The following ADCY2 variants were observed in gnomAD, a reference collection of about 807,000 sequenced individuals.
ADCY2 encodes adenylate cyclase 2.
In ADCY2, 31 loss-of-function variants were observed where a neutral mutation model predicts 125.2. The observed-to-expected ratio is 0.25, with a 90% confidence interval of 0.19 to 0.33. The LOEUF (loss-of-function observed/expected upper bound fraction) is 0.33. Ranked by LOEUF, ADCY2 falls within the 10% of genes least tolerant of loss-of-function variation. The pLI, the probability that ADCY2 is intolerant of heterozygous loss-of-function variation, is 1.00. For missense variants in ADCY2, 904 were observed against 1,418.2 expected, an observed-to-expected ratio of 0.64 and a Z score of 5.82; for synonymous variants, 512 against 548.4, an observed-to-expected ratio of 0.93 and a Z score of 0.93.
chr5:7,693,423 T>TTG (rs1345195502), intron 5 of ADCY2, among the ~76,000 whole-genome samples: 1 of 137,740 alleles, frequency 7.3e-6, no homozygotes, highest in African/African-American at 2.6e-5. Context: ...GTTTTTTTTT[T>TTG]TTTTTTTTTT....
chr5:7,440,164 C>T (rs1362149166), intron 2 of ADCY2, among the ~76,000 whole-genome samples: 2 of 152,072 alleles, frequency 1.3e-5, no homozygotes, highest in Admixed American at 6.5e-5. Flanking sequence ...TCAGGTTTGG[C>T]TTAAATTCAA....
chr5:7,407,181 A>G (rs1739520157), intron 1 of ADCY2, among the ~76,000 whole-genome samples: 1 of 152,198 alleles, frequency 6.6e-6, no homozygotes, highest in Non-Finnish European at 1.5e-5. Context: ...CAAGACAGCA[A>G]TTTTTCCTTT....
intron 5 of ADCY2, 21 bp downstream of exon 5, chr5:7,690,860 C>CT: frequency 6.6e-7 from 1 of 1,523,598 alleles, no homozygotes. Context: ...ATGCTTGCTC[C>CT]TTGGCTGGTC....
chr5:7,786,470 T>A (rs1183719801), intron 19 of ADCY2, among the ~76,000 whole-genome samples: 1 of 152,256 alleles, frequency 6.6e-6, no homozygotes, highest in Non-Finnish European at 1.5e-5. Flanking sequence ...ATTGTTATTT[T>A]TCCTGCTCCA....
At chr5:7,677,220 G>T (rs758655215) in intron 4 of ADCY2, among the ~76,000 whole-genome samples, 3 of 152,134 alleles carry the variant, frequency 2.0e-5, no homozygotes, top group Non-Finnish European at 2.9e-5. Flanking sequence ...GGAGGTTGCA[G>T]TGAGCCGAGA....
chr5:7,555,295 A>G (rs963167638), intron 3 of ADCY2, among the ~76,000 whole-genome samples: 4 of 152,218 alleles, frequency 2.6e-5, no homozygotes, highest in African/African-American at 9.6e-5. Context: ...CGCCTGCTAC[A>G]TATTTGAATG....
At chr5:7,401,632 C>T (rs1467918322) in intron 1 of ADCY2, among the ~76,000 whole-genome samples, 1 of 152,164 alleles carries the variant, frequency 6.6e-6, no homozygotes, top group Non-Finnish European at 1.5e-5. Context: ...TGCTAAATGT[C>T]CCCAGTGTCT....
At chr5:7,810,611 GGTGGGTTATCTACCTGATGA>G (rs1209432169) in intron 22 of ADCY2, among the ~76,000 whole-genome samples, 3 of 151,826 alleles carry the variant, frequency 2.0e-5, no homozygotes, top group Non-Finnish European at 4.4e-5. Flanking sequence ...CTGATTGATT[GGTGGGTTATCTACCTGATGA>G]GTGGGTTATC....
chr5:7,488,004 G>T (rs1055476423), intron 2 of ADCY2, among the ~76,000 whole-genome samples: 1 of 152,010 alleles, frequency 6.6e-6, no homozygotes, highest in Admixed American at 6.5e-5. Context: ...TGAAAGGAAA[G>T]AAAAAAACAT....
rs146631271 is a variant in ADCY2, at chr5:7,534,475, G to T, written c.570+13576G>T. ...TGCCATGTCTGAACCTCAAACTCTAGACCGAGATATTAAACATAAGATGAG... is the reference window on the plus strand; with the variant it reads ...TGCCATGTCTGAACCTCAAACTCTATACCGAGATATTAAACATAAGATGAG... On this transcript the variant is annotated intron_variant, in intron 3 of 24. Coordinates refer to ENST00000338316, the MANE Select transcript of ADCY2 (RefSeq NM_020546.3). Among the ~76,000 whole-genome samples, 329 of 152,220 alleles carry T rather than the reference G, an allele frequency of 2.2e-3. 1 individual carries two copies. Among genetic ancestry groups the T allele is most frequent in the African/African-American group, 7.4e-3 (306 of 41,524 alleles).
intron 22 of ADCY2, among the ~76,000 whole-genome samples, chr5:7,810,830 C>T (rs1247479483): frequency 3.9e-5 from 6 of 152,140 alleles, no homozygotes; most frequent in Non-Finnish European, 5.9e-5. Flanking sequence ...ACTCCAGAGC[C>T]TCACCTGTTC....
intron 2 of ADCY2, among the ~76,000 whole-genome samples, chr5:7,487,630 T>C (rs1053000680): frequency 1.3e-5 from 2 of 152,122 alleles, no homozygotes; most frequent in Non-Finnish European, 2.9e-5. Flanking sequence ...AGATAACACA[T>C]TTGGTTTGTT....
At position 7,709,069 on chromosome 5, in the gene ADCY2, C is replaced by A; in HGVS notation, c.1402-142C>A. The A allele has an allele frequency of 2.6e-6, 2 of 764,652 alleles. No homozygotes were observed. The highest frequency in any genetic ancestry group is 3.7e-6 in the Non-Finnish European group (2 of 538,768). The allele number at this position is 764,652 out of a possible 1,614,324, so 47.4% of individuals were successfully genotyped here. ...TCAAATAGTGTGTTCCCCAGTAACA[C>A]TGAAGGAATAAGGACAGAAAACACA... On this transcript the variant is annotated intron_variant, in intron 9 of 24. Coordinates refer to ENST00000338316, the MANE Select transcript of ADCY2 (RefSeq NM_020546.3). The surrounding 1 kb of genome is among the most constrained non-coding windows in gnomAD (Gnocchi z 4.4).
At position 7,724,592 on chromosome 5, in the gene ADCY2, A is replaced by C. The variant is rs1579359457; in HGVS notation, c.1751A>C (p.Tyr584Ser). ...ATTCAGAGAATCTCACTGCTTTTCT[A>C]TAACAAAGTACTAGAAAAAGAGGTA... ...EDIQRISLLF[Y>S]NKVLEKEYRA... Residue 584 changes from tyrosine to serine, a missense_variant, in exon 13 of 25, where the codon TAT becomes TCT. Around this residue, in one of 7 missense-constraint regions of ADCY2, gnomAD observed 144 missense variants for 227.7 expected, o/e 0.63. Transcript: ENST00000338316. 1.3e-6 allele frequency: 2 copies of C among 1,590,166 alleles called. No individual in the cohort carries two copies. Among genetic ancestry groups the C allele is most frequent in the Non-Finnish European group, 1.7e-6 (2 of 1,173,706 alleles).
intron 3 of ADCY2, among the ~76,000 whole-genome samples, chr5:7,590,470 A>G (rs1002267673): frequency 2.6e-5 from 4 of 152,116 alleles, no homozygotes; most frequent in Non-Finnish European, 4.4e-5. Context: ...TCATTCTAGG[A>G]TCCTTATGTT....
intron 3 of ADCY2, among the ~76,000 whole-genome samples, chr5:7,594,610 G>A (rs1228895013): frequency 2.6e-5 from 4 of 152,188 alleles, no homozygotes; most frequent in Non-Finnish European, 5.9e-5. Context: ...CTTAATTAAT[G>A]AGTTTATGCA....
At chr5:7,683,065 T>C (rs1277413282) in intron 4 of ADCY2, among the ~76,000 whole-genome samples, 2 of 152,208 alleles carry the variant, frequency 1.3e-5, no homozygotes, top group Non-Finnish European at 2.9e-5. Flanking sequence ...TCAGCCTTTT[T>C]TTCCATGGAC....
chr5:7,738,591 A>C (rs1742317253), intron 14 of ADCY2, among the ~76,000 whole-genome samples: 1 of 151,918 alleles, frequency 6.6e-6, no homozygotes, highest in Non-Finnish European at 1.5e-5. Flanking sequence ...GAAAGGACTA[A>C]ATACTCCAAA....
intron 3 of ADCY2, among the ~76,000 whole-genome samples, chr5:7,556,192 C>T (rs565500472): frequency 2.2e-4 from 34 of 152,168 alleles, no homozygotes; most frequent in Non-Finnish European, 4.9e-4. Context: ...TAATGAACAA[C>T]CTTATATATA....
Sources: allele counts gnomAD v4.1 joint callset (sites outside exome capture counted in the v4.1 genomes callset), GRCh38; gene constraint gnomAD v4.1.1; regional missense constraint gnomAD v4.1.1; non-coding constraint Gnocchi (gnomAD v3.1); transcripts MANE v1.5; gene names NCBI Gene and HGNC (gene_info 2026-07-23, HGNC 2026-07-21).